Variants in PTK2 observed in about 807,000 individuals in gnomAD.
PTK2 encodes the protein focal adhesion kinase 1.
PTK2 carries 45 observed loss-of-function variants against 150.1 expected under a neutral mutation model. That is an observed-to-expected ratio of 0.30 (90% CI 0.24 to 0.38). The LOEUF is 0.38. PTK2 is among the 10% of genes least tolerant of loss of function. The pLI, the probability that PTK2 is intolerant of heterozygous loss-of-function variation, is 1.00. For synonymous variants in PTK2, 432 were observed against 449.2 expected, an observed-to-expected ratio of 0.96 and a Z score of 0.48; for missense variants, 919 against 1,307.3, an observed-to-expected ratio of 0.70 and a Z score of 4.58.
intron 5 of PTK2, among the ~76,000 whole-genome samples, chr8:140,850,821 T>G (rs928549089): frequency 6.6e-6 from 1 of 152,268 alleles, no homozygotes; most frequent in African/African-American, 2.4e-5. Context: ...TTCATCATAC[T>G]CTGCAATAGA....
chr8:140,784,817 T>C (rs916508786), intron 14 of PTK2, among the ~76,000 whole-genome samples: 1 of 152,228 alleles, frequency 6.6e-6, no homozygotes, highest in Non-Finnish European at 1.5e-5. Context: ...CTGTTAATCT[T>C]ACACTTATTT....
In PTK2 at chr8:140,775,305, G is replaced by A. The variant is rs979948759; in HGVS notation, c.1178-11015C>T. ...TTGGGAGACCAGCCTGGGAAACATGGCAAAATACTCTCTTTACAAAAATAC... is the reference window on the plus strand; with the variant it reads ...TTGGGAGACCAGCCTGGGAAACATGACAAAATACTCTCTTTACAAAAATAC... On this transcript the variant is annotated intron_variant, in intron 14 of 31. Transcript: ENST00000522684. Among the ~76,000 whole-genome samples, 9 of 152,184 alleles carry A rather than the reference G, an allele frequency of 5.9e-5. No homozygotes were observed. The South Asian group carries it at 1.9e-3, about 32-fold the overall frequency.
intron 1 of PTK2, among the ~76,000 whole-genome samples, chr8:140,928,087 T>C (rs1603300035): frequency 6.6e-6 from 1 of 150,806 alleles, no homozygotes; most frequent in Non-Finnish European, 1.5e-5. Context: ...GCTTTTCTTC[T>C]TTCCAAACGG....
At chr8:140,861,263 T>C (rs1370474168) in intron 5 of PTK2, among the ~76,000 whole-genome samples, 1 of 152,304 alleles carries the variant, frequency 6.6e-6, no homozygotes. Flanking sequence ...GCAGGGCGAT[T>C]GCTTGAGCCC....
intron 1 of PTK2, among the ~76,000 whole-genome samples, chr8:140,991,069 T>C (rs72689175): frequency 0.04 from 6,100 of 152,294 alleles, 193 homozygotes; most frequent in Non-Finnish European, 0.057. Context: ...GCATAAGATA[T>C]AACAGATTTA....
At chr8:140,927,434 T>C (rs1398809973) in intron 1 of PTK2, 1 of 152,178 alleles carries the variant, frequency 6.6e-6, no homozygotes, top group Non-Finnish European at 1.5e-5. Flanking sequence ...AGAAAACCAC[T>C]GATCAGGCTG....
chr8:140,815,954 C>A (rs1262324765), intron 10 of PTK2, among the ~76,000 whole-genome samples: 1 of 152,028 alleles, frequency 6.6e-6, no homozygotes. Context: ...AAATTAAAAT[C>A]TAAAACAAAA....
chr8:140,860,173 T>C (rs1376209175), intron 5 of PTK2, among the ~76,000 whole-genome samples: 3 of 152,182 alleles, frequency 2.0e-5, no homozygotes, highest in African/African-American at 7.2e-5. Context: ...ATACATAAAT[T>C]TGAAACTCAG....
At chr8:140,992,776 T>A (rs1259985924) in intron 1 of PTK2, among the ~76,000 whole-genome samples, 2 of 152,212 alleles carry the variant, frequency 1.3e-5, no homozygotes, top group African/African-American at 4.8e-5. Context: ...CCTGAGTGAA[T>A]GTATTTTGAA....
chr8:140,797,266 T>C (rs781618748), intron 12 of PTK2, among the ~76,000 whole-genome samples: 1 of 152,204 alleles, frequency 6.6e-6, no homozygotes, highest in Non-Finnish European at 1.5e-5. Context: ...TACATTCCTC[T>C]TTTTTATACT....
chr8:140,890,196 G>C (rs999235932), intron 3 of PTK2: 3 of 201,474 alleles, frequency 1.5e-5, no homozygotes, highest in South Asian at 1.1e-4. Context: ...ACACTTTCTA[G>C]AAAAGTAGTT....
intron 10 of PTK2, among the ~76,000 whole-genome samples, chr8:140,813,857 A>G (rs541788791): frequency 7.8e-4 from 119 of 152,240 alleles, no homozygotes; most frequent in African/African-American, 2.8e-3. Context: ...GCCTGTTGCT[A>G]AACCAAAACC....
At chr8:140,713,248 G>A (rs539734264) in intron 23 of PTK2, among the ~76,000 whole-genome samples, 1 of 152,116 alleles carries the variant, frequency 6.6e-6, no homozygotes, top group Non-Finnish European at 1.5e-5. Flanking sequence ...CTCTATTAGC[G>A]GAAAAGGCAA....
chr8:140,818,827 C>T (rs2154601755), intron 9 of PTK2, 53 bp downstream of exon 9: 3 of 1,568,216 alleles, frequency 1.9e-6, no homozygotes, highest in Non-Finnish European at 2.6e-6. Flanking sequence ...CAGCAAGAGA[C>T]AAGAAAAAGT....
chr8:140,665,864 G>A (rs1199429401), intron 30 of PTK2, among the ~76,000 whole-genome samples: 1 of 152,170 alleles, frequency 6.6e-6, no homozygotes, highest in Non-Finnish European at 1.5e-5. Context: ...TTGGCTGTGG[G>A]TTCATGCAAG....
chr8:140,659,753 C>G (rs910331084), intron 31 of PTK2, 75 bp from the exon 36 acceptor site: 2 of 1,340,790 alleles, frequency 1.5e-6, no homozygotes, highest in African/African-American at 2.9e-5. Context: ...GATGTTCTTA[C>G]TGTGTTGTCC....
At chr8:140,737,438 G>A (rs755019067) in intron 21 of PTK2, among the ~76,000 whole-genome samples, 1 of 152,004 alleles carries the variant, frequency 6.6e-6, no homozygotes, top group African/African-American at 2.4e-5. Context: ...GTAACCTTAT[G>A]TTTCTTTAAA....
At chr8:140,944,832 T>C (rs552471703) in intron 1 of PTK2, among the ~76,000 whole-genome samples, 4 of 152,384 alleles carry the variant, frequency 2.6e-5, no homozygotes, top group Non-Finnish European at 5.9e-5. Flanking sequence ...AGACCACTTG[T>C]GAACCTTATT....
intron 26 of PTK2, among the ~76,000 whole-genome samples, chr8:140,689,857 T>C (rs1229670182): frequency 6.6e-6 from 1 of 152,250 alleles, no homozygotes; most frequent in African/African-American, 2.4e-5. Context: ...GAGCTGGTTC[T>C]GCTTAGGGGT....
Sources: gnomAD v4.1 joint callset for allele counts (sites outside exome capture counted in the v4.1 genomes callset) on GRCh38, gnomAD v4.1.1 for gene constraint, MANE v1.5 for transcripts, NCBI Gene and HGNC (gene_info 2026-07-23, HGNC 2026-07-21) for gene names.